The following CUL2 variants were observed in gnomAD, a reference collection of about 807,000 sequenced individuals.
The protein encoded by CUL2 is cullin-2.
In CUL2, 22 loss-of-function variants were observed where a neutral mutation model predicts 110.2. That is an observed-to-expected ratio of 0.20 (90% CI 0.14 to 0.28). The LOEUF is 0.28. Among genes scored for constraint, CUL2 ranks in the 10% least tolerant of loss-of-function variants. CUL2 has a pLI of 1.00. For missense variants in CUL2, 631 were observed against 905.5 expected (o/e 0.70, Z 3.89); for synonymous variants, 279 against 293.2 (o/e 0.95, Z 0.49).
At chr10:35,055,459 G>A (rs1226304662) in intron 4 of CUL2, among the ~76,000 whole-genome samples, 6 of 152,192 alleles carry the variant, frequency 3.9e-5, no homozygotes, top group Admixed American at 2.0e-4. Context: ...CTGGCCAGGC[G>A]TCGGGGCTCA....
At chr10:35,066,727 A>C (rs2505635) in intron 2 of CUL2, among the ~76,000 whole-genome samples, 1 of 152,256 alleles carries the variant, frequency 6.6e-6, no homozygotes. Flanking sequence ...TGAATCAATG[A>C]GAACAAATAT....
chr10:35,011,817 T>TTC, intron 20 of CUL2, 31 bp downstream of exon 20: 2 of 1,207,522 alleles, frequency 1.7e-6, no homozygotes, highest in Non-Finnish European at 1.2e-6. Context: ...CCCTCTACCC[T>TTC]AAGAAGCCCT....
chr10:35,086,645 T>G (rs1468042567), intron 1 of CUL2, among the ~76,000 whole-genome samples: 2 of 152,060 alleles, frequency 1.3e-5, no homozygotes, highest in African/African-American at 4.8e-5. Flanking sequence ...GAGACCAGCC[T>G]GGCCAACATG....
At chr10:35,043,095 T>A (rs1232711484) in intron 8 of CUL2, among the ~76,000 whole-genome samples, 1 of 152,076 alleles carries the variant, frequency 6.6e-6, no homozygotes, top group East Asian at 1.9e-4. Flanking sequence ...AGGAAAAACA[T>A]GGTTTGAGAG....
chr10:35,098,542 GA>G (rs962962367), intron 2 of CUL2, among the ~76,000 whole-genome samples: 19 of 148,556 alleles, frequency 1.3e-4, no homozygotes, highest in African/African-American at 2.2e-4. Flanking sequence ...TTTCTACCAA[GA>G]AAAAAAAAAT....
chr10:35,093,678 A>G (rs891599655), upstream of CUL2, among the ~76,000 whole-genome samples: 37 of 148,740 alleles, frequency 2.5e-4, 2 homozygotes, highest in South Asian at 6.3e-4. Flanking sequence ...AAAAAAAAAA[A>G]AAAGAAAAGA....
chr10:35,035,940 T>C (rs2085610228), intron 9 of CUL2, among the ~76,000 whole-genome samples: 1 of 152,206 alleles, frequency 6.6e-6, no homozygotes, highest in African/African-American at 2.4e-5. Context: ...GTGTAGTAGG[T>C]TTAATTTTAA....
At chr10:35,057,119 G>A (rs1025326531) in intron 4 of CUL2, among the ~76,000 whole-genome samples, 4 of 152,184 alleles carry the variant, frequency 2.6e-5, no homozygotes, top group African/African-American at 9.7e-5. Flanking sequence ...AAACTGCCTA[G>A]CATAGAAGCA....
chr10:35,095,057 T>C (rs1338409855), upstream of CUL2, among the ~76,000 whole-genome samples: 2 of 152,296 alleles, frequency 1.3e-5, no homozygotes, highest in East Asian at 3.9e-4. Context: ...GGCTCACACT[T>C]GTAATCCCAG....
At chr10:35,035,663 C>A (rs2085603441) in intron 9 of CUL2, among the ~76,000 whole-genome samples, 3 of 152,186 alleles carry the variant, frequency 2.0e-5, no homozygotes, top group Admixed American at 6.5e-5. Context: ...GCACAGTACT[C>A]CATTATGTGG....
rs1217791429 is a variant in CUL2, at chr10:35,074,241, G to C, written c.-22-2902C>G. 3.3e-6 allele frequency: 5 copies of C among 1,533,040 alleles called. No homozygotes were observed. In the Middle Eastern group the frequency reaches 6.7e-4, roughly 204 times the overall value. The allele number at this position is 1,533,040 out of a possible 1,614,324, so 95.0% of individuals were successfully genotyped here. A position where few individuals can be genotyped will look rare whatever the true frequency, so the allele number is the denominator to read the frequency against. ...ACTCTGTACATAAAGTACAAAGTTT[G>C]TTGTTTCCTTCTACAGACAGCATTC... On this transcript the variant is annotated intron_variant, in intron 1 of 20. Transcript: ENST00000374749.
In CUL2 at chr10:35,010,119, T is replaced by C. The variant is rs1490938825; in HGVS notation, c.*192A>G. The C allele has an allele frequency of 2.6e-6, 1 of 377,786 alleles. No individual in the cohort carries two copies. The highest frequency in any genetic ancestry group is 4.5e-6 in the Non-Finnish European group (1 of 222,184). 23.4% of individuals were successfully genotyped at this position (377,786 alleles called of 1,614,324 possible). A position where few individuals can be genotyped will look rare whatever the true frequency, so the allele number is the denominator to read the frequency against. On this transcript the variant is annotated 3_prime_UTR_variant, in exon 21 of 21. Transcript: ENST00000374749. ...AATAAAGTTTTAAGAAATGTCATAA[T>C]GACATGAGCTTGAAATATCTCTAGG...
At chr10:35,024,115 G>T (rs2085276918) in intron 17 of CUL2, among the ~76,000 whole-genome samples, 2 of 152,146 alleles carry the variant, frequency 1.3e-5, no homozygotes, top group Admixed American at 1.3e-4. Context: ...GGTTACAGGT[G>T]TGAGCCACTG....
chr10:35,124,913 G>C lies in CUL2; in HGVS notation c.-51+1692C>G, dbSNP rs111272722. Among the ~76,000 whole-genome samples, 5 of 152,316 alleles carry C rather than the reference G, an allele frequency of 3.3e-5. 1 individual carries two copies. Among genetic ancestry groups the C allele is most frequent in the African/African-American group, 1.2e-4 (5 of 41,564 alleles). ...TGACAGCCCGTATTTTCTCAGAAAA[G>C]TAGGTGACCTAGTTGTCCCTCCCCA... On this transcript the variant is annotated intron_variant, in intron 1 of 5. Coordinates refer to the CUL2 transcript ENST00000685421.
chr10:35,124,072 C>G (rs1457063076), intron 1 of CUL2, among the ~76,000 whole-genome samples: 2 of 152,164 alleles, frequency 1.3e-5, no homozygotes, highest in African/African-American at 4.8e-5. Context: ...AATCCCAACA[C>G]TTTGGGAAGC....
intron 1 of CUL2, among the ~76,000 whole-genome samples, chr10:35,073,777 T>G (rs1328975557): frequency 6.6e-6 from 1 of 151,948 alleles, no homozygotes; most frequent in African/African-American, 2.4e-5. Flanking sequence ...GCTAATTTTT[T>G]ATTTTTAGTA....
intron 15 of CUL2, among the ~76,000 whole-genome samples, 181 bp downstream of exon 15, chr10:35,029,307 T>C (rs964921379): frequency 1.2e-4 from 18 of 152,194 alleles, no homozygotes; most frequent in African/African-American, 4.1e-4. Flanking sequence ...TCTGCCTGCT[T>C]TGGCCTCTGA....
At chr10:35,104,754 A>C (rs1053865776) in intron 1 of CUL2, among the ~76,000 whole-genome samples, 6 of 152,012 alleles carry the variant, frequency 3.9e-5, no homozygotes, top group Non-Finnish European at 7.4e-5. Flanking sequence ...GGGGGGGGAC[A>C]GTCTTGCTCT....
chr10:35,025,829 T>C (rs1419832057), intron 16 of CUL2, among the ~76,000 whole-genome samples: 2 of 152,204 alleles, frequency 1.3e-5, no homozygotes, highest in Admixed American at 6.5e-5. Context: ...GGAAAAATGA[T>C]ACTGGATGTG....
Sources: allele counts gnomAD v4.1 joint callset (sites outside exome capture counted in the v4.1 genomes callset), GRCh38; gene constraint gnomAD v4.1.1; transcripts MANE v1.5; gene names NCBI Gene and HGNC (gene_info 2026-07-23, HGNC 2026-07-21).